The following C12orf60 variants were observed in gnomAD, a reference collection of about 807,000 sequenced individuals.
C12orf60 encodes chromosome 12 open reading frame 60, also known as uncharacterized protein C12orf60.
For synonymous variants in C12orf60, 102 were observed against 94.6 expected (o/e 1.08, Z -0.45); for missense variants, 284 against 283.2 (o/e 1.00, Z -0.02).
At chr12:14,820,588 AC>A (rs1278812790) in intron 1 of C12orf60, among the ~76,000 whole-genome samples, 2 of 151,940 alleles carry the variant, frequency 1.3e-5, no homozygotes, top group Non-Finnish European at 2.9e-5. Flanking sequence ...TTTTTGAGCC[AC>A]AGATTATTTA....
Position 14,823,993 on chromosome 12 carries a change from C to T in C12orf60, c.*320C>T, listed in dbSNP as rs924439320. The T allele has an allele frequency of 6.0e-6, 1 of 167,752 alleles. No homozygotes were observed. The highest frequency in any genetic ancestry group is 1.3e-5 in the Non-Finnish European group (1 of 78,390). The allele number at this position is 167,752 out of a possible 1,614,324, so 10.4% of individuals were successfully genotyped here. A position where few individuals can be genotyped will look rare whatever the true frequency, so the allele number is the denominator to read the frequency against. On this transcript the variant is annotated 3_prime_UTR_variant, in exon 2 of 2. Transcript: ENST00000330828. Reference sequence around the variant, plus strand: ...AAACAACCCTAAAGTAGTTCCCACTCTTAACTATTCTATTTCCAGTGAGAA... The same window carrying T: ...AAACAACCCTAAAGTAGTTCCCACTTTTAACTATTCTATTTCCAGTGAGAA...
At chr12:14,813,048 G>A (rs2137269242) in intron 1 of C12orf60, among the ~76,000 whole-genome samples, 1 of 152,238 alleles carries the variant, frequency 6.6e-6, no homozygotes, top group African/African-American at 2.4e-5. Context: ...AGAATAGTGG[G>A]GTAGGGTTAT....
At chr12:14,806,304 G>A in intron 1 of C12orf60, 1 of 1,614,224 alleles carries the variant, frequency 6.2e-7, no homozygotes, top group Non-Finnish European at 8.5e-7. Context: ...ACTGGCTGCA[G>A]ATGTAGCTTC....
Position 14,806,396 on chromosome 12 carries a change from G to A in C12orf60, c.-25+2645G>A, listed in dbSNP as rs750104770. ...CCTTAATATCCTGAAGTTTTCTATA[G>A]AGGGTTGGCTCTAGCTTATCTTTTA... On this transcript the variant is annotated intron_variant, in intron 1 of 1. Transcript: ENST00000330828. The A allele has an allele frequency of 2.5e-6, 4 of 1,614,162 alleles. No homozygotes were observed. In the South Asian group the frequency reaches 4.4e-5, roughly 18 times the overall value.
intron 1 of C12orf60, chr12:14,805,704 C>A: frequency 3.5e-6 from 1 of 287,144 alleles, no homozygotes; most frequent in Non-Finnish European, 6.4e-6. Flanking sequence ...AAAGTAACCC[C>A]TATACTTGCT....
intron 1 of C12orf60, among the ~76,000 whole-genome samples, chr12:14,815,644 A>G (rs1254836446): frequency 1.3e-5 from 2 of 152,232 alleles, no homozygotes; most frequent in African/African-American, 4.8e-5. Context: ...GATTTCAGGA[A>G]GGGTACATTA....
chr12:14,806,130 T>C, intron 1 of C12orf60: 1 of 1,614,172 alleles, frequency 6.2e-7, no homozygotes, highest in South Asian at 1.1e-5. Context: ...CTGTGTTTTT[T>C]CCACTGCTCC....
intron 1 of C12orf60, chr12:14,804,555 T>C (rs756807617): frequency 3.3e-5 from 5 of 152,244 alleles, no homozygotes; most frequent in Non-Finnish European, 7.3e-5. Flanking sequence ...GATTTGATTT[T>C]AGACTGAATT....
At chr12:14,818,739 C>T (rs1286251754) in intron 1 of C12orf60, among the ~76,000 whole-genome samples, 1 of 152,134 alleles carries the variant, frequency 6.6e-6, no homozygotes, top group African/African-American at 2.4e-5. Context: ...GCTGAGATTG[C>T]GTCACTGCAC....
chr12:14,806,211 G>A (rs1310263655), intron 1 of C12orf60: 20 of 1,614,004 alleles, frequency 1.2e-5, no homozygotes, highest in South Asian at 3.3e-5. Context: ...AAGGAGAGAA[G>A]CACCAATTTG....
chr12:14,811,102 T>A (rs1472472840), intron 1 of C12orf60, among the ~76,000 whole-genome samples: 2 of 152,238 alleles, frequency 1.3e-5, no homozygotes, highest in African/African-American at 4.8e-5. Context: ...ACCTATTGTA[T>A]GGTAAGTTTG....
intron 1 of C12orf60, among the ~76,000 whole-genome samples, chr12:14,807,851 A>C (rs1950077106): frequency 6.6e-6 from 1 of 152,204 alleles, no homozygotes; most frequent in South Asian, 2.1e-4. Flanking sequence ...TCAGAAAAAA[A>C]ATGCCATTTT....
At chr12:14,815,524 TA>T (rs1483281596) in intron 1 of C12orf60, among the ~76,000 whole-genome samples, 1 of 152,066 alleles carries the variant, frequency 6.6e-6, no homozygotes, top group African/African-American at 2.4e-5. Context: ...AAATTGAAAA[TA>T]GTTTGTAGAT....
At chr12:14,806,113 C>T in intron 1 of C12orf60, 10 of 1,614,136 alleles carry the variant, frequency 6.2e-6, no homozygotes, top group Non-Finnish European at 8.5e-6. Context: ...TTGATGGCTG[C>T]TTGAAGCTGT....
chr12:14,819,110 A>G (rs1438214549), intron 1 of C12orf60, among the ~76,000 whole-genome samples: 1 of 152,162 alleles, frequency 6.6e-6, no homozygotes, highest in Non-Finnish European at 1.5e-5. Flanking sequence ...CTTCCAATCC[A>G]TGGACAGAGT....
Position 14,824,062 on chromosome 12 carries a change from G to C in C12orf60, c.*389G>C, listed in dbSNP as rs1330054630. The C allele has an allele frequency of 6.5e-6, 1 of 154,372 alleles. No homozygotes were observed. Among genetic ancestry groups the C allele is most frequent in the East Asian group, 1.9e-4 (1 of 5,230 alleles). 9.6% of individuals were successfully genotyped at this position (154,372 alleles called of 1,614,324 possible). ...TATTATCATTAGATAGAAAATCTAG[G>C]CCTGGGAAACAAAATAAACTCCATT... On this transcript the variant is annotated 3_prime_UTR_variant, in exon 2 of 2. Coordinates refer to ENST00000330828, the MANE Select transcript of C12orf60 (RefSeq NM_175874.4).
At chr12:14,811,075 C>G (rs774795649) in intron 1 of C12orf60, among the ~76,000 whole-genome samples, 2 of 152,136 alleles carry the variant, frequency 1.3e-5, no homozygotes, top group Non-Finnish European at 2.9e-5. Flanking sequence ...ATATTTAATC[C>G]AGCTCTAATT....
chr12:14,809,710 AC>A (rs1338190066), intron 1 of C12orf60, among the ~76,000 whole-genome samples: 1 of 152,132 alleles, frequency 6.6e-6, no homozygotes, highest in Admixed American at 6.5e-5. Flanking sequence ...TAAGCCTAAA[AC>A]CAATAAAAAA....
chr12:14,815,232 T>C (rs974761518), intron 1 of C12orf60, among the ~76,000 whole-genome samples: 1 of 152,214 alleles, frequency 6.6e-6, no homozygotes, highest in Non-Finnish European at 1.5e-5. Flanking sequence ...GTGGGGTCAC[T>C]TTTCTACTTT....
Sources: allele counts gnomAD v4.1 joint callset (sites outside exome capture counted in the v4.1 genomes callset), GRCh38; gene constraint gnomAD v4.1.1; transcripts MANE v1.5; gene names NCBI Gene and HGNC (gene_info 2026-07-23, HGNC 2026-07-21).